CHMP4C: variants seen among roughly 807,000 people sequenced by gnomAD.
CHMP4C encodes the protein SNF7 homolog associated with Alix 3.
CHMP4C carries 28 observed loss-of-function variants against 29.0 expected under a neutral mutation model. The observed-to-expected ratio is 0.97, with a 90% CI of 0.72 to 1.32. CHMP4C has a LOEUF of 1.32. Among genes scored for constraint, CHMP4C ranks in the 40% most tolerant of loss-of-function variants. CHMP4C has a pLI of 0.00. For missense variants in CHMP4C, 291 were observed against 281.0 expected (o/e 1.04, Z -0.25); for synonymous variants, 106 against 102.4 (o/e 1.04, Z -0.21).
rs759070538 is a variant in CHMP4C, at chr8:81,755,372, A to G, written c.371A>G (p.Asp124Gly). 2.4e-5 allele frequency: 38 copies of G among 1,571,728 alleles called. No homozygotes were observed. The highest frequency in any genetic ancestry group is 1.1e-4 in the South Asian group (10 of 87,196). Reference protein sequence around the residue: ...KAMKSVHENMDLNKIDDLMQE... With the variant: ...KAMKSVHENMGLNKIDDLMQE... Reference sequence around the variant, plus strand: ...TTCAACAAAATATGATTTCCCAGGGATCTGAACAAAATAGATGATTTGATG... The same window carrying G: ...TTCAACAAAATATGATTTCCCAGGGGTCTGAACAAAATAGATGATTTGATG... The change falls in exon 3 of 5, where the codon GAT becomes GGT. Residue 124 changes from aspartate (D) to glycine (G), a missense_variant and splice_region_variant. By Grantham distance (94) the Asp-to-Gly change is moderately conservative. Coordinates refer to ENST00000297265, the MANE Select transcript of CHMP4C (RefSeq NM_152284.4).
At chr8:81,737,491 G>T (rs1808706574) in intron 1 of CHMP4C, among the ~76,000 whole-genome samples, 1 of 152,148 alleles carries the variant, frequency 6.6e-6, no homozygotes, top group African/African-American at 2.4e-5. Flanking sequence ...CACCTTACAG[G>T]TCACTATTCC....
At chr8:81,732,881 C>T (rs1022892585) in intron 1 of CHMP4C, 65 bp downstream of exon 1, 2 of 1,469,508 alleles carry the variant, frequency 1.4e-6, no homozygotes, top group East Asian at 2.4e-5. Context: ...TGGGGACAAT[C>T]GGCCCACACC....
intron 1 of CHMP4C, among the ~76,000 whole-genome samples, chr8:81,752,232 C>T (rs974413151): frequency 6.6e-6 from 1 of 152,130 alleles, no homozygotes; most frequent in Non-Finnish European, 1.5e-5. Flanking sequence ...CACTTATTTT[C>T]GTATTAACAT....
chr8:81,755,882 T>C (rs1808966336), intron 3 of CHMP4C, among the ~76,000 whole-genome samples: 1 of 152,212 alleles, frequency 6.6e-6, no homozygotes, highest in Non-Finnish European at 1.5e-5. Context: ...AGGCTGCCTC[T>C]GTTTATTACT....
intron 2 of CHMP4C, among the ~76,000 whole-genome samples, chr8:81,754,145 T>C (rs1808943354): frequency 6.6e-6 from 1 of 152,136 alleles, no homozygotes; most frequent in Non-Finnish European, 1.5e-5. Context: ...CATTTTCTTT[T>C]CTGAATAATT....
chr8:81,749,058 TTATAATCACGCAGCCTGA>T (rs1360512371), intron 1 of CHMP4C, among the ~76,000 whole-genome samples: 1 of 152,196 alleles, frequency 6.6e-6, no homozygotes, highest in Non-Finnish European at 1.5e-5. Flanking sequence ...TCACTAATTC[TTATAATCACGCAGCCTGA>T]TATAATCACT....
intron 1 of CHMP4C, among the ~76,000 whole-genome samples, chr8:81,750,124 G>A (rs979221176): frequency 6.6e-6 from 1 of 152,012 alleles, no homozygotes; most frequent in Non-Finnish European, 1.5e-5. Flanking sequence ...AGATTAAAGA[G>A]GCTATTACAT....
intron 1 of CHMP4C, among the ~76,000 whole-genome samples, chr8:81,735,211 A>G (rs1808672356): frequency 1.3e-5 from 2 of 152,082 alleles, no homozygotes; most frequent in African/African-American, 4.8e-5. Context: ...TTAATAGAAA[A>G]GTCATTAACT....
chr8:81,751,469 G>A (rs1340845035), intron 1 of CHMP4C, among the ~76,000 whole-genome samples: 2 of 151,944 alleles, frequency 1.3e-5, no homozygotes, highest in African/African-American at 4.8e-5. Context: ...AATCTTATTT[G>A]GGAACAATAA....
At chr8:81,744,140 C>T (rs773659874) in intron 1 of CHMP4C, among the ~76,000 whole-genome samples, 12 of 152,140 alleles carry the variant, frequency 7.9e-5, no homozygotes, top group Non-Finnish European at 1.0e-4. Flanking sequence ...ATTTACCCTC[C>T]ATGTGACATT....
intron 3 of CHMP4C, among the ~76,000 whole-genome samples, chr8:81,756,994 T>C (rs1808981492): frequency 6.6e-6 from 1 of 152,168 alleles, no homozygotes; most frequent in Non-Finnish European, 1.5e-5. Context: ...ATGAGGCGAA[T>C]TTAATAGAGG....
chr8:81,737,749 C>T (rs1320664172), intron 1 of CHMP4C, among the ~76,000 whole-genome samples: 1 of 152,130 alleles, frequency 6.6e-6, no homozygotes, highest in African/African-American at 2.4e-5. Context: ...CATAAATCCT[C>T]GGAGTTGTGG....
intron 1 of CHMP4C, among the ~76,000 whole-genome samples, chr8:81,739,261 TA>T (rs1460450242): frequency 1.3e-5 from 2 of 151,842 alleles, no homozygotes; most frequent in East Asian, 1.9e-4. Context: ...CAAGCCCAGC[TA>T]TTTTTTTTTT....
chr8:81,753,984 C>T (rs1456393528), intron 2 of CHMP4C, among the ~76,000 whole-genome samples: 1 of 151,842 alleles, frequency 6.6e-6, no homozygotes, highest in Admixed American at 6.6e-5. Context: ...ATGTCTGGGA[C>T]CGGATCCTTT....
At chr8:81,753,909 C>T (rs537079523) in intron 2 of CHMP4C, among the ~76,000 whole-genome samples, 2 of 151,996 alleles carry the variant, frequency 1.3e-5, no homozygotes, top group South Asian at 4.2e-4. Context: ...TAGTATAGTT[C>T]CTGGCACAAA....
chr8:81,747,914 C>G (rs559817668), intron 1 of CHMP4C, among the ~76,000 whole-genome samples: 1 of 152,112 alleles, frequency 6.6e-6, no homozygotes. Context: ...TGAGATCAAC[C>G]GGTCTGACCA....
At chr8:81,739,418 T>TTG (rs113653252) in intron 1 of CHMP4C, among the ~76,000 whole-genome samples, 16 of 93,578 alleles carry the variant, frequency 1.7e-4, no homozygotes, top group East Asian at 8.7e-4. Context: ...TGGGGGATTG[T>TTG]GGGGGGGGGT....
intron 1 of CHMP4C, among the ~76,000 whole-genome samples, chr8:81,738,181 C>T (rs1808718241): frequency 2.0e-5 from 3 of 152,138 alleles, no homozygotes; most frequent in Admixed American, 2.0e-4. Flanking sequence ...GCAGTAACTC[C>T]AAATATGTAA....
At chr8:81,734,780 G>C (rs1390943505) in intron 1 of CHMP4C, among the ~76,000 whole-genome samples, 1 of 151,996 alleles carries the variant, frequency 6.6e-6, no homozygotes, top group South Asian at 2.1e-4. Context: ...ACAAAAATTC[G>C]ATCTCAATTT....
Sources: gnomAD v4.1 joint callset for allele counts (sites outside exome capture counted in the v4.1 genomes callset) on GRCh38, gnomAD v4.1.1 for gene constraint, MANE v1.5 for transcripts, NCBI Gene and HGNC (gene_info 2026-07-23, HGNC 2026-07-21) for gene names.